The following BCAS3 variants were observed in gnomAD, a reference collection of about 807,000 sequenced individuals.
The protein encoded by BCAS3 is BCAS3 microtubule associated cell migration factor, also known as BCAS4/BCAS3 fusion.
BCAS3 carries 53 observed loss-of-function variants against 116.1 expected under a neutral mutation model. The ratio of observed to expected loss-of-function variants is 0.46; its 90% CI spans 0.37 to 0.57. BCAS3 has a LOEUF of 0.57. BCAS3 is among the 20% of genes least tolerant of loss of function. The pLI, the probability that BCAS3 is intolerant of heterozygous loss-of-function variation, is 0.00. For synonymous variants in BCAS3, 391 were observed against 408.2 expected, an observed-to-expected ratio of 0.96 and a Z score of 0.51; for missense variants, 917 against 1,165.4, an observed-to-expected ratio of 0.79 and a Z score of 3.10.
At chr17:61,160,230 T>A (rs780528011) in intron 22 of BCAS3, among the ~76,000 whole-genome samples, 2 of 151,444 alleles carry the variant, frequency 1.3e-5, no homozygotes, top group Non-Finnish European at 2.9e-5. Context: ...CCTGACTTCC[T>A]AACATATTAT....
chr17:60,980,929 GC>G (rs2062772380), intron 14 of BCAS3, among the ~76,000 whole-genome samples: 1 of 151,904 alleles, frequency 6.6e-6, no homozygotes, highest in East Asian at 1.9e-4. Context: ...AAGCTCCTGG[GC>G]TGAAGCGATT....
At chr17:61,033,772 G>A (rs1879402461) in intron 16 of BCAS3, among the ~76,000 whole-genome samples, 1 of 152,120 alleles carries the variant, frequency 6.6e-6, no homozygotes, top group Admixed American at 6.5e-5. Context: ...AAATTGCTTT[G>A]GGAAGCCCTT....
rs566215931 is a variant in BCAS3 at position 61,377,335 on chromosome 17, C to T, written c.2593+8841C>T. Reference sequence around the variant, plus strand: ...TGCGCCAGCGAGACTGTGGGACAGCCGGTGGCCTCGGCAGGGGTGGTGTTG... The same window carrying T: ...TGCGCCAGCGAGACTGTGGGACAGCTGGTGGCCTCGGCAGGGGTGGTGTTG... On this transcript the variant is annotated intron_variant, in intron 23 of 23. Transcript: ENST00000407086. This position sits in a 1 kb window ranked among gnomAD's most constrained non-coding sequence, Gnocchi z 4.6. 4.6e-5 allele frequency among the ~76,000 whole-genome samples: 7 copies of T among 152,226 alleles called. No homozygotes were observed. The highest frequency in any genetic ancestry group is 1.9e-4 in the East Asian group (1 of 5,174).
In BCAS3 at chr17:61,216,844, T is replaced by A. The variant is rs551962097; in HGVS notation, c.2425+132280T>A. 1.2e-4 allele frequency among the ~76,000 whole-genome samples: 18 copies of A among 151,952 alleles called. No homozygotes were observed. In the East Asian group the frequency reaches 3.3e-3, roughly 28 times the overall value. On this transcript the variant is annotated intron_variant, in intron 22 of 23. Coordinates refer to ENST00000407086, the MANE Select transcript of BCAS3 (RefSeq NM_017679.5). ...GGCATGAGCCACCGTGCCCAGCCTA[T>A]ATGTTGATTTTATGTGACATGAGAT...
At position 61,364,362 on chromosome 17, in the gene BCAS3, A is replaced by G. The variant is rs565151527; in HGVS notation, c.2426-3965A>G. Among the ~76,000 whole-genome samples, 1 of 152,294 alleles carries G rather than the reference A, an allele frequency of 6.6e-6. No homozygotes were observed. The highest frequency in any genetic ancestry group is 1.9e-4 in the East Asian group (1 of 5,174). On this transcript the variant is annotated intron_variant, in intron 22 of 23. Transcript: ENST00000407086. This position sits in a 1 kb window ranked among gnomAD's most constrained non-coding sequence, Gnocchi z 5.4. ...GGAGTGGGAAGGGTTTTTAAATGTC[A>G]TTGGTTGAAGGTGACAGGAGTTCTC...
intron 19 of BCAS3, among the ~76,000 whole-genome samples, chr17:61,042,910 A>G (rs978060595): frequency 6.6e-6 from 1 of 150,562 alleles, no homozygotes; most frequent in Non-Finnish European, 1.5e-5. Context: ...AAAAAAAAAA[A>G]AAAAAGAAAG....
intron 21 of BCAS3, among the ~76,000 whole-genome samples, chr17:61,081,492 C>T (rs1196275695): frequency 2.6e-5 from 4 of 152,108 alleles, no homozygotes; most frequent in Non-Finnish European, 4.4e-5. Flanking sequence ...ATCTAAATGA[C>T]TTTAAATTGT....
At chr17:60,816,802 C>T (rs1217608697) in intron 7 of BCAS3, among the ~76,000 whole-genome samples, 1 of 152,150 alleles carries the variant, frequency 6.6e-6, no homozygotes. Flanking sequence ...AGAAATGCAA[C>T]ATATTGTTTT....
rs1284903743 is a variant in BCAS3, at chr17:61,249,851, A to T, written c.2426-118476A>T. Among the ~76,000 whole-genome samples the T allele has an allele frequency of 2.6e-5, 4 of 152,204 alleles. No homozygotes were observed. The highest frequency in any genetic ancestry group is 5.9e-5 in the Non-Finnish European group (4 of 68,022). On this transcript the variant is annotated intron_variant, in intron 22 of 23. Coordinates refer to ENST00000407086, the MANE Select transcript of BCAS3 (RefSeq NM_017679.5). The surrounding 1 kb of genome is among the most constrained non-coding windows in gnomAD (Gnocchi z 6.2). Reference sequence around the variant, plus strand: ...CTGATAGACCCATGGAATACAAAAAAAATGTGATGACCCAATCACATTTAA... The same window carrying T: ...CTGATAGACCCATGGAATACAAAAATAATGTGATGACCCAATCACATTTAA...
intron 6 of BCAS3, among the ~76,000 whole-genome samples, chr17:60,767,869 T>C (rs1598574452): frequency 1.3e-5 from 2 of 152,268 alleles, no homozygotes; most frequent in East Asian, 3.9e-4. Context: ...GGCGTGATCA[T>C]GGCTCACTGC....
Position 61,235,619 on chromosome 17 carries a change from T to TAAACAGCGCCA in BCAS3, c.2426-132707_2426-132697dup, listed in dbSNP as rs1204829281. Among the ~76,000 whole-genome samples the TAAACAGCGCCA allele has an allele frequency of 6.6e-6, 1 of 151,506 alleles. No individual in the cohort carries two copies. The highest frequency in any genetic ancestry group is 2.4e-5 in the African/African-American group (1 of 41,182). On this transcript the variant is annotated intron_variant, in intron 22 of 23. Transcript: ENST00000407086. The surrounding 1 kb of genome is among the most constrained non-coding windows in gnomAD (Gnocchi z 5.0). The stretch of plus-strand genomic sequence containing the variant: ...GACCCCCGTTAGTGCTACCTCTTTC[T>TAAACAGCGCCA]AAACAGCGCCAGCCATGAAGCTTTT...
At chr17:60,831,324 G>A (rs1040282555) in intron 7 of BCAS3, among the ~76,000 whole-genome samples, 5 of 151,836 alleles carry the variant, frequency 3.3e-5, no homozygotes, top group South Asian at 2.1e-4. Flanking sequence ...CTACAGGCGC[G>A]TGCCACCACG....
chr17:60,870,707 A>C (rs1436933908), intron 8 of BCAS3, among the ~76,000 whole-genome samples: 1 of 152,206 alleles, frequency 6.6e-6, no homozygotes, highest in Non-Finnish European at 1.5e-5. Flanking sequence ...GATTAGACAC[A>C]CACAACCTCT....
At chr17:61,335,998 C>A (rs1351085088) in intron 22 of BCAS3, among the ~76,000 whole-genome samples, 1 of 152,242 alleles carries the variant, frequency 6.6e-6, no homozygotes, top group Non-Finnish European at 1.5e-5. Context: ...TCGGGGAGCC[C>A]TCGCTCCCAG....
rs1028146850 is a variant in BCAS3 at position 61,068,323 on chromosome 17, T to C, written c.2030-6597T>C. 1.3e-5 allele frequency among the ~76,000 whole-genome samples: 2 copies of C among 152,260 alleles called. No individual in the cohort carries two copies. The highest frequency in any genetic ancestry group is 6.5e-5 in the Admixed American group (1 of 15,292). ...ACCACCTCCAAAGTTACATCTAAAT[T>C]CTCTAGGGTGTTCAGGGTATAAAAG... On this transcript the variant is annotated intron_variant, in intron 19 of 23. Coordinates refer to ENST00000407086, the MANE Select transcript of BCAS3 (RefSeq NM_017679.5). The surrounding 1 kb of genome is among the most constrained non-coding windows in gnomAD (Gnocchi z 4.3).
chr17:61,235,505 T>C lies in BCAS3; in HGVS notation c.2426-132822T>C, dbSNP rs185327118. 1.3e-5 allele frequency among the ~76,000 whole-genome samples: 2 copies of C among 152,326 alleles called. No homozygotes were observed. Among genetic ancestry groups the C allele is most frequent in the East Asian group, 3.9e-4 (2 of 5,182 alleles). ...CAAATTTATTAACAAGGGCTTAATT[T>C]CATTCCAAACAGATTGTGAGGTGAC... On this transcript the variant is annotated intron_variant, in intron 22 of 23. Transcript: ENST00000407086. This position sits in a 1 kb window ranked among gnomAD's most constrained non-coding sequence, Gnocchi z 5.0.
chr17:60,698,363 G>A (rs1453139007), intron 4 of BCAS3, among the ~76,000 whole-genome samples: 2 of 152,026 alleles, frequency 1.3e-5, no homozygotes, highest in African/African-American at 2.4e-5. Context: ...AATAAAGTCT[G>A]GCCAGGCCTG....
At chr17:60,926,981 G>A (rs1040881610) in intron 13 of BCAS3, among the ~76,000 whole-genome samples, 1 of 152,120 alleles carries the variant, frequency 6.6e-6, no homozygotes, top group Non-Finnish European at 1.5e-5. Flanking sequence ...TTTATTTTGT[G>A]ACAATCATTT....
At chr17:60,985,862 A>G (rs1377365179) in intron 14 of BCAS3, among the ~76,000 whole-genome samples, 1 of 152,112 alleles carries the variant, frequency 6.6e-6, no homozygotes, top group Non-Finnish European at 1.5e-5. Context: ...TCAGTCTCCC[A>G]AGTAGCTGGA....
Sources: gnomAD v4.1 joint callset for allele counts (sites outside exome capture counted in the v4.1 genomes callset) on GRCh38, gnomAD v4.1.1 for gene constraint, Gnocchi (gnomAD v3.1) non-coding constraint, MANE v1.5 for transcripts, NCBI Gene and HGNC (gene_info 2026-07-23, HGNC 2026-07-21) for gene names.